The following BATF variants were observed in gnomAD, a reference collection of about 807,000 sequenced individuals.
BATF encodes the protein basic leucine zipper ATF-like transcription factor.
A neutral mutation model predicts 13.7 loss-of-function variants in BATF; 5 were observed. The ratio of observed to expected loss-of-function variants is 0.36; its 90% CI spans 0.19 to 0.77. The LOEUF (loss-of-function observed/expected upper bound fraction) is 0.77, where lower values mean the gene tolerates loss of function less well. BATF is among the 30% of genes least tolerant of loss of function. The pLI is 0.51. For missense variants in BATF, 124 were observed against 163.0 expected (o/e 0.76, Z 1.30); for synonymous variants, 72 against 67.5 (o/e 1.07, Z -0.33).
At chr14:75,539,679 A>G (rs904763064) in intron 2 of BATF, among the ~76,000 whole-genome samples, 2 of 152,054 alleles carry the variant, frequency 1.3e-5, no homozygotes, top group African/African-American at 4.8e-5. Context: ...ATGGCCCTAG[A>G]GCTTCAGCTC....
chr14:75,542,746 C>T (rs1183336953), intron 2 of BATF, among the ~76,000 whole-genome samples: 1 of 152,246 alleles, frequency 6.6e-6, no homozygotes, highest in African/African-American at 2.4e-5. Flanking sequence ...ACTCTTGCTT[C>T]CCAAGGTAAA....
At chr14:75,532,618 C>A (rs1231054617) in intron 2 of BATF, among the ~76,000 whole-genome samples, 1 of 152,170 alleles carries the variant, frequency 6.6e-6, no homozygotes, top group African/African-American at 2.4e-5. Context: ...CTTAGTTCAT[C>A]ATTATCTGTG....
chr14:75,532,341 T>C (rs1887746868), intron 2 of BATF, among the ~76,000 whole-genome samples: 1 of 152,208 alleles, frequency 6.6e-6, no homozygotes, highest in Non-Finnish European at 1.5e-5. Flanking sequence ...CCAGCCATCA[T>C]CAGGCGTGAT....
chr14:75,544,631 T>G (rs924999646), intron 2 of BATF, among the ~76,000 whole-genome samples: 2 of 151,776 alleles, frequency 1.3e-5, no homozygotes, highest in Admixed American at 6.6e-5. Context: ...AAACCACTGA[T>G]TCACATTCCT....
At chr14:75,545,331 C>T (rs550405533) in intron 2 of BATF, among the ~76,000 whole-genome samples, 7 of 151,454 alleles carry the variant, frequency 4.6e-5, no homozygotes, top group Non-Finnish European at 8.8e-5. Context: ...CAGCAATTCT[C>T]TTCCCCGAGC....
intron 2 of BATF, among the ~76,000 whole-genome samples, chr14:75,525,918 C>G (rs1450287225): frequency 6.6e-6 from 1 of 152,164 alleles, no homozygotes; most frequent in Non-Finnish European, 1.5e-5. Flanking sequence ...GGGCGCTGTA[C>G]CAGATTCCTC....
chr14:75,525,338 G>A (rs1254095318), intron 2 of BATF, 150 bp downstream of exon 2: 3 of 770,094 alleles, frequency 3.9e-6, no homozygotes, highest in African/African-American at 1.7e-5. Context: ...GGGTGAGGTA[G>A]GGAAGGGAAG....
rs529409116 is a variant in BATF, at chr14:75,525,822, A to G, written c.168+634A>G. Reference sequence around the variant, plus strand: ...GTATCAAGTGCTTTGGGGACGGCCCATTGTCTCGCAGTGCAAGGACCACAC... The same window carrying G: ...GTATCAAGTGCTTTGGGGACGGCCCGTTGTCTCGCAGTGCAAGGACCACAC... On this transcript the variant is annotated intron_variant, in intron 2 of 2. Transcript: ENST00000286639. 1.7e-3 allele frequency among the ~76,000 whole-genome samples: 227 copies of G among 131,646 alleles called. 2 individuals carry two copies. The highest frequency in any genetic ancestry group is 9.0e-3 in the African/African-American group (217 of 24,028). 86.4% of individuals were successfully genotyped at this position (131,646 alleles called of 152,430 possible).
At chr14:75,536,501 G>A (rs1437889203) in intron 2 of BATF, among the ~76,000 whole-genome samples, 1 of 152,074 alleles carries the variant, frequency 6.6e-6, no homozygotes. Flanking sequence ...CGAGTTGGTT[G>A]GATCATTTGA....
At chr14:75,530,425 A>G (rs1369538886) in intron 2 of BATF, among the ~76,000 whole-genome samples, 1 of 152,220 alleles carries the variant, frequency 6.6e-6, no homozygotes, top group Non-Finnish European at 1.5e-5. Flanking sequence ...AATTCTGTAC[A>G]TGTAAAGATA....
At chr14:75,545,862 T>G (rs1029922104) in intron 2 of BATF, among the ~76,000 whole-genome samples, 3 of 151,874 alleles carry the variant, frequency 2.0e-5, no homozygotes, top group African/African-American at 7.3e-5. Flanking sequence ...TGAAATTGCT[T>G]TTTTGCCGGG....
chr14:75,535,675 T>A (rs536484506), intron 2 of BATF, among the ~76,000 whole-genome samples: 11 of 152,278 alleles, frequency 7.2e-5, no homozygotes, highest in Non-Finnish European at 1.3e-4. Flanking sequence ...CAAATAGGAA[T>A]ACTTCGAGAG....
chr14:75,543,158 G>A (rs1038750567), intron 2 of BATF, among the ~76,000 whole-genome samples: 3 of 152,186 alleles, frequency 2.0e-5, no homozygotes, highest in Admixed American at 6.5e-5. Context: ...CTTACCTTTC[G>A]GTAAAGAGGG....
At chr14:75,539,741 C>T (rs972965841) in intron 2 of BATF, among the ~76,000 whole-genome samples, 7 of 152,056 alleles carry the variant, frequency 4.6e-5, no homozygotes, top group African/African-American at 7.3e-5. Flanking sequence ...CATTATTCAG[C>T]GCAAAGATCT....
intron 2 of BATF, among the ~76,000 whole-genome samples, chr14:75,532,949 A>T (rs536021942): frequency 1.3e-5 from 2 of 152,214 alleles, no homozygotes; most frequent in African/African-American, 4.8e-5. Flanking sequence ...TGGGTAGTTC[A>T]TCTTATTCTT....
intron 2 of BATF, among the ~76,000 whole-genome samples, chr14:75,536,287 G>T (rs1887815320): frequency 6.6e-6 from 1 of 152,200 alleles, no homozygotes; most frequent in South Asian, 2.1e-4. Context: ...TCAAAGAGGA[G>T]ACTGGAAAGA....
intron 2 of BATF, among the ~76,000 whole-genome samples, chr14:75,525,615 CGCCATT>C: frequency 6.8e-6 from 1 of 147,086 alleles, no homozygotes; most frequent in Non-Finnish European, 1.5e-5. Flanking sequence ...GCCGAGATCG[CGCCATT>C]GCATTCAAAC....
chr14:75,538,087 T>C (rs1203740877), intron 2 of BATF, among the ~76,000 whole-genome samples: 1 of 152,152 alleles, frequency 6.6e-6, no homozygotes, highest in Non-Finnish European at 1.5e-5. Context: ...GCCTCCCAAA[T>C]AGCTGGGACT....
At position 75,522,512 on chromosome 14, in the gene BATF, C is replaced by A; in HGVS notation, c.-171C>A. 4.6e-6 allele frequency: 3 copies of A among 647,578 alleles called. No homozygotes were observed. Among genetic ancestry groups the A allele is most frequent in the Non-Finnish European group, 8.1e-6 (3 of 369,372 alleles). The allele number at this position is 647,578 out of a possible 1,614,324, so 40.1% of individuals were successfully genotyped here. A position where few individuals can be genotyped will look rare whatever the true frequency, so the allele number is the denominator to read the frequency against. ...CTTTGGGGAGCAGTCCCTCTGCACC[C>A]CAGAGTGAGGAGGACGCAGGGGTCA... On this transcript the variant is annotated 5_prime_UTR_variant, in exon 1 of 3. Coordinates refer to ENST00000286639, the MANE Select transcript of BATF (RefSeq NM_006399.5).
Sources: gnomAD v4.1 joint callset for allele counts (sites outside exome capture counted in the v4.1 genomes callset) on GRCh38, gnomAD v4.1.1 for gene constraint, MANE v1.5 for transcripts, NCBI Gene and HGNC (gene_info 2026-07-23, HGNC 2026-07-21) for gene names.